Variants in PCDH9 observed in about 807,000 individuals in gnomAD.
PCDH9 encodes protocadherin-9.
A neutral mutation model predicts 70.6 loss-of-function variants in PCDH9; 24 were observed. The ratio of observed to expected loss-of-function variants is 0.34; its 90% confidence interval spans 0.25 to 0.48. The LOEUF is 0.48. PCDH9 is among the 20% of genes least tolerant of loss of function. The probability of loss-of-function intolerance (pLI) is 0.99; values close to 1 mark genes in which losing one functional copy is unlikely to be tolerated. For synonymous variants in PCDH9, 562 were observed against 558.5 expected (o/e 1.01, Z -0.09); for missense variants, 1,281 against 1,503.6 (o/e 0.85, Z 2.45).
intron 2 of PCDH9, among the ~76,000 whole-genome samples, chr13:66,925,147 T>C (rs2068585): frequency 0.22 from 33,981 of 151,702 alleles, 4,101 homozygotes; most frequent in East Asian, 0.29. Context: ...ATTTTATTCT[T>C]AAATACTTTT....
At chr13:66,726,985 C>A (rs2139165490) in intron 3 of PCDH9, among the ~76,000 whole-genome samples, 2 of 152,256 alleles carry the variant, frequency 1.3e-5, no homozygotes, top group South Asian at 4.2e-4. Context: ...TGGAGCCAGG[C>A]AGTGGCTCAT....
chr13:67,000,940 T>C (rs1480928197), intron 2 of PCDH9, among the ~76,000 whole-genome samples: 1 of 152,202 alleles, frequency 6.6e-6, no homozygotes, highest in East Asian at 1.9e-4. Flanking sequence ...TGGTAGTTTT[T>C]GACTTGCATT....
At chr13:67,002,069 T>C (rs1056498222) in intron 2 of PCDH9, 1 of 152,332 alleles carries the variant, frequency 6.6e-6, no homozygotes, top group Admixed American at 6.5e-5. Flanking sequence ...GTAAGCTAGT[T>C]AGATTCTCTT....
intron 2 of PCDH9, among the ~76,000 whole-genome samples, chr13:67,078,838 T>G (rs2085929258): frequency 6.6e-6 from 1 of 152,168 alleles, no homozygotes; most frequent in South Asian, 2.1e-4. Flanking sequence ...ATATTTGTGA[T>G]CTACAGCCCC....
At chr13:67,221,109 G>A (rs908053225) in intron 2 of PCDH9, 1 of 152,036 alleles carries the variant, frequency 6.6e-6, no homozygotes, top group African/African-American at 2.4e-5. Context: ...ATTTGCATTT[G>A]GGGGATCAGT....
At chr13:66,506,838 G>A (rs1219274792) in intron 4 of PCDH9, among the ~76,000 whole-genome samples, 1 of 152,350 alleles carries the variant, frequency 6.6e-6, no homozygotes, top group East Asian at 1.9e-4. Flanking sequence ...TAATAGCCAA[G>A]AGGAAGAAAT....
At chr13:67,150,219 T>C (rs2138383086) in intron 2 of PCDH9, among the ~76,000 whole-genome samples, 1 of 152,192 alleles carries the variant, frequency 6.6e-6, no homozygotes, top group South Asian at 2.1e-4. Context: ...ATATTTTTAG[T>C]AGAGATGGGG....
At chr13:66,412,351 T>TG (rs1957385226) in intron 4 of PCDH9, among the ~76,000 whole-genome samples, 5 of 152,282 alleles carry the variant, frequency 3.3e-5, no homozygotes, top group Admixed American at 3.3e-4. Context: ...CTTTTAGATA[T>TG]GGGGTCTCAC....
chr13:66,355,619 A>G (rs2138181868), intron 4 of PCDH9, among the ~76,000 whole-genome samples: 1 of 152,276 alleles, frequency 6.6e-6, no homozygotes, highest in Non-Finnish European at 1.5e-5. Flanking sequence ...GGCATGAGCT[A>G]TCGTACTGTT....
At chr13:66,737,216 A>G (rs1333019359) in intron 3 of PCDH9, among the ~76,000 whole-genome samples, 2 of 151,834 alleles carry the variant, frequency 1.3e-5, no homozygotes, top group Admixed American at 1.3e-4. Flanking sequence ...TCTATTTTTC[A>G]TATAAAAACA....
chr13:67,043,829 C>CCCTGT, intron 2 of PCDH9, among the ~76,000 whole-genome samples: 1 of 152,112 alleles, frequency 6.6e-6, no homozygotes, highest in South Asian at 2.1e-4. Flanking sequence ...ATTAAATATA[C>CCCTGT]ATAGCCTTGT....
intron 3 of PCDH9, among the ~76,000 whole-genome samples, chr13:66,721,721 CA>C (rs2078943929): frequency 6.6e-6 from 1 of 152,312 alleles, no homozygotes; most frequent in African/African-American, 2.4e-5. Context: ...AGAAACTTGA[CA>C]TCACTGCTAG....
intron 3 of PCDH9, among the ~76,000 whole-genome samples, chr13:66,836,969 A>C (rs1441531912): frequency 6.6e-6 from 1 of 152,128 alleles, no homozygotes; most frequent in Non-Finnish European, 1.5e-5. Context: ...CAGTATTTAA[A>C]ATGTGCCCAA....
chr13:66,333,800 T>C (rs1164679299), intron 4 of PCDH9, among the ~76,000 whole-genome samples: 1 of 152,170 alleles, frequency 6.6e-6, no homozygotes, highest in East Asian at 1.9e-4. Flanking sequence ...TATGTGACCC[T>C]GTGATGGTTA....
chr13:66,741,942 C>T (rs1392484312), intron 3 of PCDH9, among the ~76,000 whole-genome samples: 3 of 150,116 alleles, frequency 2.0e-5, no homozygotes, highest in Non-Finnish European at 4.4e-5. Context: ...GAGTCAATGC[C>T]ATCCCCATCA....
At chr13:66,343,641 A>C (rs1956166038) in intron 4 of PCDH9, among the ~76,000 whole-genome samples, 1 of 152,208 alleles carries the variant, frequency 6.6e-6, no homozygotes, top group African/African-American at 2.4e-5. Context: ...ATCTGCGTGT[A>C]AGCACTCACG....
At chr13:66,776,921 C>T (rs1327513102) in intron 3 of PCDH9, among the ~76,000 whole-genome samples, 1 of 145,150 alleles carries the variant, frequency 6.9e-6, no homozygotes, top group East Asian at 2.1e-4. Context: ...GGTACTGGTA[C>T]CAAAACAGAG....
At chr13:66,620,025 AAG>A (rs1302824836) in intron 4 of PCDH9, among the ~76,000 whole-genome samples, 5 of 152,336 alleles carry the variant, frequency 3.3e-5, no homozygotes, top group African/African-American at 9.6e-5. Context: ...TTAAAATAAA[AAG>A]AGTTAATTCC....
chr13:66,894,030 T>C (rs1053476808), intron 3 of PCDH9, among the ~76,000 whole-genome samples: 3 of 152,154 alleles, frequency 2.0e-5, no homozygotes, highest in Non-Finnish European at 4.4e-5. Context: ...AATTCTAATA[T>C]TCAATTTCAA....
Sources: gnomAD v4.1 joint callset for allele counts (sites outside exome capture counted in the v4.1 genomes callset) on GRCh38, gnomAD v4.1.1 for gene constraint, MANE v1.5 for transcripts, NCBI Gene and HGNC (gene_info 2026-07-23, HGNC 2026-07-21) for gene names.